STMN2: variants seen among roughly 807,000 people sequenced by gnomAD.
The protein encoded by STMN2 is stathmin 2.
STMN2 carries 2 observed loss-of-function variants against 24.1 expected under a neutral mutation model. That is an observed-to-expected ratio of 0.08 (90% CI 0.03 to 0.26). The LOEUF (loss-of-function observed/expected upper bound fraction) is 0.26, where lower values mean the gene tolerates loss of function less well. STMN2 is among the 10% of genes least tolerant of loss of function. STMN2 has a pLI of 1.00. For missense variants in STMN2, 114 were observed against 213.6 expected (o/e 0.53, Z 2.91); for synonymous variants, 83 against 77.5 (o/e 1.07, Z -0.37).
At chr8:79,642,690 T>C (rs908751397) in intron 3 of STMN2, among the ~76,000 whole-genome samples, 1 of 152,082 alleles carries the variant, frequency 6.6e-6, no homozygotes, top group African/African-American at 2.4e-5. Flanking sequence ...TACATGCATA[T>C]ATGTACACAA....
chr8:79,665,002 A>AC lies in STMN2; in HGVS notation c.*129dup. On this transcript the variant is annotated 3_prime_UTR_variant, in exon 5 of 5. Transcript: ENST00000220876. ...AAGAACTCATTATAAAAAAAAAAAA[A>AC]CAAAAAAAATCAAAAATTAAAAAAA... 1.2e-6 allele frequency: 1 copy of AC among 841,664 alleles called. No individual in the cohort carries two copies. Among genetic ancestry groups the AC allele is most frequent in the Non-Finnish European group, 1.6e-6 (1 of 622,550 alleles). 52.1% of individuals were successfully genotyped at this position (841,664 alleles called of 1,614,324 possible). A position where few individuals can be genotyped will look rare whatever the true frequency, so the allele number is the denominator to read the frequency against.
At chr8:79,621,876 A>G (rs13281919) in intron 1 of STMN2, among the ~76,000 whole-genome samples, 16,043 of 152,276 alleles carry the variant, frequency 0.11, 1,166 homozygotes, top group Middle Eastern at 0.17. Flanking sequence ...AGATGGTACA[A>G]ACTCTGCTTA....
chr8:79,657,262 G>A (rs775009494), intron 4 of STMN2, among the ~76,000 whole-genome samples: 4 of 152,000 alleles, frequency 2.6e-5, no homozygotes, highest in Non-Finnish European at 4.4e-5. Context: ...AGCTTTTAAC[G>A]GACCATTTTT....
chr8:79,642,045 T>C (rs114859056), intron 3 of STMN2, among the ~76,000 whole-genome samples: 188 of 152,244 alleles, frequency 1.2e-3, no homozygotes, highest in African/African-American at 4.5e-3. Flanking sequence ...CCCTCCAAGA[T>C]CTTTCCTGCC....
intron 3 of STMN2, among the ~76,000 whole-genome samples, chr8:79,647,151 G>C (rs1194667990): frequency 6.6e-6 from 1 of 152,116 alleles, no homozygotes; most frequent in Non-Finnish European, 1.5e-5. Flanking sequence ...TTACAGGTTT[G>C]TGAAGATTCT....
intron 3 of STMN2, 87 bp downstream of exon 3, chr8:79,641,637 C>CACACACAA (rs1810100892): frequency 2.2e-6 from 1 of 450,118 alleles, no homozygotes; most frequent in African/African-American, 3.0e-5. Context: ...CGCACACACA[C>CACACACAA]ACACACACAC....
At chr8:79,624,474 A>AG (rs1563435329) in intron 1 of STMN2, among the ~76,000 whole-genome samples, 7 of 118,398 alleles carry the variant, frequency 5.9e-5, no homozygotes, top group African/African-American at 2.1e-4. Context: ...AAAAAAAAAA[A>AG]AAAAGAAAGA....
At chr8:79,636,125 GA>G (rs1383681282) in intron 1 of STMN2, among the ~76,000 whole-genome samples, 1 of 152,104 alleles carries the variant, frequency 6.6e-6, no homozygotes, top group Non-Finnish European at 1.5e-5. Context: ...GCTGAGGGGG[GA>G]ACATCACTTG....
At chr8:79,647,173 A>G (rs553494509) in intron 3 of STMN2, among the ~76,000 whole-genome samples, 1 of 152,198 alleles carries the variant, frequency 6.6e-6, no homozygotes, top group Non-Finnish European at 1.5e-5. Flanking sequence ...CCTAGCAAAC[A>G]TATTACTTTT....
intron 1 of STMN2, among the ~76,000 whole-genome samples, chr8:79,621,161 C>T (rs1809507368): frequency 1.3e-5 from 2 of 152,184 alleles, no homozygotes; most frequent in Admixed American, 6.5e-5. Flanking sequence ...TGCTGACGCA[C>T]CTTGGTCAGG....
chr8:79,636,834 C>T lies in STMN2; in HGVS notation c.52C>T (p.Leu18=), dbSNP rs1809974162. The T allele has an allele frequency of 1.9e-6, 3 of 1,613,704 alleles. No homozygotes were observed. The highest frequency in any genetic ancestry group is 2.2e-5 in the East Asian group (1 of 44,876). ...YKEKMKELSM[L]SLICSCFYPE... The stretch of plus-strand genomic sequence containing the variant: ...GGAAAAAATGAAGGAGCTGTCCATG[C>T]TGTCACTGATCTGCTCTTGCTTTTA... The change falls in exon 2 of 5, where the codon CTG becomes TTG. Residue 18 remains leucine, a synonymous_variant. Transcript: ENST00000220876.
intron 1 of STMN2, among the ~76,000 whole-genome samples, chr8:79,612,948 C>G (rs949847633): frequency 1.3e-5 from 2 of 152,164 alleles, no homozygotes; most frequent in Admixed American, 1.3e-4. Context: ...GCGTGGCTCT[C>G]AGCCCCAGCA....
At chr8:79,631,037 T>C in intron 1 of STMN2, among the ~76,000 whole-genome samples, 1 of 152,120 alleles carries the variant, frequency 6.6e-6, no homozygotes. Flanking sequence ...ATTTCTTTCA[T>C]CAGGGGAAAG....
At chr8:79,653,628 C>T (rs1810381407) in intron 3 of STMN2, among the ~76,000 whole-genome samples, 1 of 152,170 alleles carries the variant, frequency 6.6e-6, no homozygotes, top group Admixed American at 6.5e-5. Context: ...AAGACCTTTC[C>T]AGTAAATGTC....
At chr8:79,633,209 G>C (rs947155550) in intron 1 of STMN2, among the ~76,000 whole-genome samples, 2 of 152,176 alleles carry the variant, frequency 1.3e-5, no homozygotes, top group Non-Finnish European at 2.9e-5. Context: ...ATTAGGATTT[G>C]CTTGGACTGT....
At chr8:79,643,149 G>GTATATATATATATATA (rs201477262) in intron 3 of STMN2, among the ~76,000 whole-genome samples, 27 of 140,094 alleles carry the variant, frequency 1.9e-4, no homozygotes, top group African/African-American at 3.7e-4. Flanking sequence ...ATGTGTGTGT[G>GTATATATATATATATA]TATATATATA....
intron 1 of STMN2, among the ~76,000 whole-genome samples, chr8:79,621,623 A>G (rs938028038): frequency 6.6e-6 from 1 of 152,150 alleles, no homozygotes; most frequent in East Asian, 1.9e-4. Flanking sequence ...GTTACAGTCA[A>G]TCCACATCCA....
chr8:79,623,981 T>C (rs1277809729), intron 1 of STMN2, among the ~76,000 whole-genome samples: 1 of 152,164 alleles, frequency 6.6e-6, no homozygotes, highest in African/African-American at 2.4e-5. Flanking sequence ...ATTCAGTATT[T>C]AGGATGAAAA....
In STMN2 at chr8:79,641,505, G is replaced by A. The variant is rs73256023; in HGVS notation, c.243G>A (p.Leu81=). 2,709 of 1,613,922 alleles carry A rather than the reference G, an allele frequency of 1.7e-3. 42 individuals are homozygous for A. In the African/African-American group the frequency reaches 0.031, roughly 18 times the overall value. ...LASPKKKDLS[L]EEIQKKLEAA... The stretch of plus-strand genomic sequence containing the variant: ...CTCCAAAGAAGAAAGACCTGTCCCT[G>A]GAGGAGATCCAGAAGAAACTGGAGG... Residue 81 remains leucine (L), a synonymous_variant, in exon 3 of 5, where the codon CTG becomes CTA. Transcript: ENST00000220876.
Sources: gnomAD v4.1 joint callset for allele counts (sites outside exome capture counted in the v4.1 genomes callset) on GRCh38, gnomAD v4.1.1 for gene constraint, MANE v1.5 for transcripts, NCBI Gene and HGNC (gene_info 2026-07-23, HGNC 2026-07-21) for gene names.